Variants in TRPM7 observed in about 807,000 individuals in gnomAD.
The protein encoded by TRPM7 is LTRPC ion channel family member 7.
In TRPM7, 134 loss-of-function variants were observed where a neutral mutation model predicts 229.7. That is an observed-to-expected ratio of 0.58 (90% CI 0.51 to 0.67). The LOEUF is 0.67. TRPM7 is among the 30% of genes least tolerant of loss of function. The pLI is 0.00. For missense variants in TRPM7, 1,901 were observed against 2,210.0 expected, an observed-to-expected ratio of 0.86 and a Z score of 2.80; for synonymous variants, 699 against 715.2, an observed-to-expected ratio of 0.98 and a Z score of 0.36.
chr15:50,685,755 C>A (rs943125523), intron 1 of TRPM7, among the ~76,000 whole-genome samples: 1 of 152,112 alleles, frequency 6.6e-6, no homozygotes, highest in Admixed American at 6.6e-5. Flanking sequence ...ATAAAAAGCT[C>A]TATCGGAAGC....
At chr15:50,634,175 G>C (rs1475094505) in intron 8 of TRPM7, among the ~76,000 whole-genome samples, 1 of 152,002 alleles carries the variant, frequency 6.6e-6, no homozygotes, top group Non-Finnish European at 1.5e-5. Flanking sequence ...ACAAAAATTA[G>C]CCAGACGTGG....
chr15:50,575,732 G>A lies in TRPM7; in HGVS notation c.4727C>T (p.Pro1576Leu). 1 of 1,610,974 alleles carries A rather than the reference G, an allele frequency of 6.2e-7. No homozygotes were observed. The highest frequency in any genetic ancestry group is 2.2e-5 in the East Asian group (1 of 44,742). Residue 1576 changes from proline (P) to leucine (L), a missense_variant, in exon 33 of 39, where the codon CCT becomes CTT. Pro to Leu is a moderately conservative substitution (Grantham distance 98). Around this residue, in one of 8 missense-constraint regions of TRPM7, gnomAD observed 257 missense variants for 352.0 expected, o/e 0.73. Transcript: ENST00000646667. ...TTAATTTTTGGATTTACCTCTTGGA[G>A]GCACAGGTGTAAATGGAATGCTCTG... ...LSQSIPFTPV[P>L]PRGEPVTVYR... is the part of the protein sequence containing the mutation.
rs142973603 is a variant in TRPM7 at position 50,658,544 on chromosome 15, C to T, written c.84-725G>A. On this transcript the variant is annotated intron_variant, in intron 2 of 38. Transcript: ENST00000646667. The stretch of plus-strand genomic sequence containing the variant: ...ATGATCATGCCCCACTGCACTCCAG[C>T]CTGGGCGAAAGAGCGAGAAACTGTC... Among the ~76,000 whole-genome samples the T allele has an allele frequency of 4.6e-3, 700 of 151,128 alleles. 5 individuals are homozygous for T. Among genetic ancestry groups the T allele is most frequent in the Non-Finnish European group, 8.2e-3 (559 of 67,872 alleles).
At chr15:50,632,316 AAAG>A (rs1226790847) in intron 9 of TRPM7, among the ~76,000 whole-genome samples, 1 of 152,146 alleles carries the variant, frequency 6.6e-6, no homozygotes, top group Non-Finnish European at 1.5e-5. Flanking sequence ...AAATAAAAAT[AAAG>A]AAAAGAACGT....
intron 1 of TRPM7, among the ~76,000 whole-genome samples, chr15:50,666,320 G>A (rs2061878984): frequency 6.6e-6 from 1 of 151,672 alleles, no homozygotes; most frequent in South Asian, 2.1e-4. Flanking sequence ...CGTGCCTGTA[G>A]ACCCAGCTAC....
chr15:50,607,899 A>G (rs2059960958), intron 19 of TRPM7, among the ~76,000 whole-genome samples: 1 of 151,052 alleles, frequency 6.6e-6, no homozygotes, highest in African/African-American at 2.4e-5. Flanking sequence ...AAAAAAAAAA[A>G]AAAAAATTAG....
chr15:50,676,052 G>C (rs2140970076), intron 1 of TRPM7, among the ~76,000 whole-genome samples: 1 of 152,256 alleles, frequency 6.6e-6, no homozygotes, highest in South Asian at 2.1e-4. Context: ...AGTTGTTTTA[G>C]CACAATGCAT....
At chr15:50,591,096 TATAAGA>T (rs1375889417) in intron 26 of TRPM7, among the ~76,000 whole-genome samples, 5 of 152,282 alleles carry the variant, frequency 3.3e-5, no homozygotes, top group African/African-American at 7.2e-5. Context: ...CTATCATAGG[TATAAGA>T]ATAAGTCATT....
At chr15:50,578,270 G>A (rs1442909733) in intron 31 of TRPM7, among the ~76,000 whole-genome samples, 1 of 152,172 alleles carries the variant, frequency 6.6e-6, no homozygotes, top group Admixed American at 6.5e-5. Context: ...ATGGATTTTA[G>A]AGACATGTAG....
chr15:50,631,360 A>G (rs2060724745), intron 10 of TRPM7, 57 bp downstream of exon 10: 1 of 1,039,856 alleles, frequency 9.6e-7, no homozygotes, highest in Non-Finnish European at 1.5e-6. Flanking sequence ...ACATACACAC[A>G]CATATACATA....
Position 50,592,316 on chromosome 15 carries a change from G to C in TRPM7, c.3919C>G (p.Leu1307Val). 2 of 1,613,870 alleles carry C rather than the reference G, an allele frequency of 1.2e-6. No individual in the cohort carries two copies. Among genetic ancestry groups the C allele is most frequent in the Non-Finnish European group, 1.7e-6 (2 of 1,179,916 alleles). Residue 1307 changes from leucine to valine, a missense_variant, in exon 26 of 39, where the codon CTT (leucine) becomes GTT (valine). Coordinates refer to ENST00000646667, the MANE Select transcript of TRPM7 (RefSeq NM_017672.6). ...TLSSSLPQGD[L>V]ESNNPFHCNI... ...CAATGAAAAGGATTATTACTTTCAA[G>C]ATCACCTTGAGGAAGAGAGGAGCTA...
intron 11 of TRPM7, 97 bp from the exon 12 acceptor site, chr15:50,624,397 C>T: frequency 9.1e-7 from 1 of 1,099,380 alleles, no homozygotes; most frequent in Non-Finnish European, 1.3e-6. Flanking sequence ...TTAATTTGTT[C>T]CCAACAGTTT....
Position 50,561,708 on chromosome 15 carries a change from T to C in TRPM7, c.5568A>G (p.Glu1856=), listed in dbSNP as rs746834654. The C allele has an allele frequency of 6.2e-7, 1 of 1,611,160 alleles. No homozygotes were observed. The part of the protein sequence containing the change: ...LQPGNSTKES[E]STNSVRLML ...ACATCAGACGAACAGAATTAGTTGA[T>C]TCTGATTCTTTGGTGGAATTTCCAG... The change falls in exon 39 of 39, where the codon GAA becomes GAG. Residue 1856 remains glutamate, a synonymous_variant. Transcript: ENST00000646667.
At position 50,591,377 on chromosome 15, in the gene TRPM7, C is replaced by G. The variant is rs573483279; in HGVS notation, c.4324+534G>C. The stretch of plus-strand genomic sequence containing the variant: ...AGGTTTTCAACAAGAGTTGATGAAA[C>G]CCAATTGAAGATATTCAAATTCAAA... On this transcript the variant is annotated intron_variant, in intron 26 of 38. Transcript: ENST00000646667. 4.6e-5 allele frequency among the ~76,000 whole-genome samples: 7 copies of G among 152,216 alleles called. No individual in the cohort carries two copies. In the South Asian group the frequency reaches 1.5e-3, roughly 32 times the overall value.
intron 13 of TRPM7, among the ~76,000 whole-genome samples, chr15:50,617,653 G>A (rs555375053): frequency 4.6e-5 from 7 of 152,044 alleles, no homozygotes; most frequent in South Asian, 4.2e-4. Flanking sequence ...CATTTCTAAC[G>A]TCATTCTTTT....
At chr15:50,628,830 T>C (rs1005601753) in intron 10 of TRPM7, among the ~76,000 whole-genome samples, 1 of 152,194 alleles carries the variant, frequency 6.6e-6, no homozygotes, top group Non-Finnish European at 1.5e-5. Flanking sequence ...ATAGCGCTAT[T>C]AGGATTCTGA....
At chr15:50,681,168 T>C (rs935009516) in intron 1 of TRPM7, among the ~76,000 whole-genome samples, 3 of 151,984 alleles carry the variant, frequency 2.0e-5, no homozygotes, top group East Asian at 1.9e-4. Context: ...GGAGAATCAC[T>C]TGAACCCGGG....
At position 50,609,711 on chromosome 15, in the gene TRPM7, T is replaced by C; in HGVS notation, c.2450A>G (p.Glu817Gly). The change falls in exon 19 of 39, where the codon GAA (glutamate) becomes GGA (glycine). Residue 817 changes from glutamate to glycine, a missense_variant. Physicochemically the swap from Glu to Gly is moderately conservative, Grantham distance 98. This residue lies in a region of TRPM7 where 207 missense variants were observed against 241.5 expected (regional missense o/e 0.86). Transcript: ENST00000646667. The stretch of plus-strand genomic sequence containing the variant: ...TTCATTACTATCCAAAATCCGTACT[T>C]CTTTAAACACTTCCTAAAATTAAAA... Reference protein sequence around the residue: ...TEEIPMEVFKEVRILDSNEGK... With the variant: ...TEEIPMEVFKGVRILDSNEGK... 1 of 1,587,742 alleles carries C rather than the reference T, an allele frequency of 6.3e-7. No individual in the cohort carries two copies.
Position 50,663,031 on chromosome 15 carries a change from T to C in TRPM7, c.19A>G (p.Ile7Val). 1 of 1,613,546 alleles carries C rather than the reference T, an allele frequency of 6.2e-7. No homozygotes were observed. The highest frequency in any genetic ancestry group is 8.5e-7 in the Non-Finnish European group (1 of 1,179,654). Residue 7 changes from isoleucine to valine, a missense_variant, in exon 2 of 39, where the codon ATA (isoleucine) becomes GTA (valine). Coordinates refer to ENST00000646667, the MANE Select transcript of TRPM7 (RefSeq NM_017672.6). The part of the protein sequence containing the change: MSQKSW[I>V]ESTLTKRECV... ...TCCCTCTTGGTCAAAGTGCTTTCTA[T>C]CCAGGATTTCTGGGACTAAAACAAA...
Sources: gnomAD v4.1 joint callset for allele counts (sites outside exome capture counted in the v4.1 genomes callset) on GRCh38, gnomAD v4.1.1 for gene constraint, gnomAD v4.1.1 regional missense constraint, MANE v1.5 for transcripts, NCBI Gene and HGNC (gene_info 2026-07-23, HGNC 2026-07-21) for gene names.